Variants in NRXN3 observed in about 807,000 individuals in gnomAD.
The protein encoded by NRXN3 is neurexin III.
Under a neutral mutation model 137.6 loss-of-function variants are expected in NRXN3, and 32 were observed. That is an observed-to-expected ratio of 0.23 (90% CI 0.18 to 0.31). NRXN3 has a LOEUF of 0.31. NRXN3 is among the 10% of genes least tolerant of loss of function. The pLI is 1.00. For synonymous variants in NRXN3, 798 were observed against 784.5 expected (o/e 1.02, Z -0.29); for missense variants, 1,574 against 2,062.5 (o/e 0.76, Z 4.59).
chr14:78,743,246 G>A (rs2098589436), intron 8 of NRXN3, among the ~76,000 whole-genome samples: 1 of 152,108 alleles, frequency 6.6e-6, no homozygotes, highest in Non-Finnish European at 1.5e-5. Flanking sequence ...TTTGTTCATA[G>A]TAGTTATTGC....
At chr14:78,519,678 A>T (rs970657580) in intron 4 of NRXN3, among the ~76,000 whole-genome samples, 2 of 152,158 alleles carry the variant, frequency 1.3e-5, no homozygotes, top group Admixed American at 1.3e-4. Flanking sequence ...TTGCTAAAGG[A>T]GTTAGCAACT....
intron 15 of NRXN3, among the ~76,000 whole-genome samples, chr14:79,014,980 C>T (rs10138563): frequency 0.072 from 10,897 of 152,108 alleles, 1,233 homozygotes; most frequent in African/African-American, 0.24. Context: ...CCCAGCCATC[C>T]CTCTGTCAGC....
In NRXN3 at chr14:78,211,395, G is replaced by A. The variant is rs59583601; in HGVS notation, c.-703-30996G>A. ...AGTGTTCACTTAGTTTTTCTCCACCGTTTCACCCTCCCCACCACTGTGGGT... is the reference window on the plus strand; with the variant it reads ...AGTGTTCACTTAGTTTTTCTCCACCATTTCACCCTCCCCACCACTGTGGGT... On this transcript the variant is annotated intron_variant, in intron 1 of 20. Transcript: ENST00000335750. Among the ~76,000 whole-genome samples, 606 of 152,220 alleles carry A rather than the reference G, an allele frequency of 4.0e-3. 34 individuals carry two copies. The East Asian group carries it at 0.1, about 26-fold the overall frequency.
At chr14:78,778,983 C>T (rs759136769) in intron 8 of NRXN3, among the ~76,000 whole-genome samples, 5 of 151,870 alleles carry the variant, frequency 3.3e-5, no homozygotes, top group South Asian at 2.1e-4. Flanking sequence ...GATGCTCTGT[C>T]GTGGTGAGTC....
chr14:79,590,559 C>T (rs924793848), intron 16 of NRXN3, among the ~76,000 whole-genome samples: 2 of 151,798 alleles, frequency 1.3e-5, no homozygotes, highest in Non-Finnish European at 2.9e-5. Flanking sequence ...ATTAGTCAAA[C>T]ATCTTTAGGC....
At chr14:78,651,757 C>G (rs1401862908) in intron 6 of NRXN3, among the ~76,000 whole-genome samples, 5 of 150,534 alleles carry the variant, frequency 3.3e-5, no homozygotes, top group Non-Finnish European at 5.9e-5. Context: ...GAGACTTATT[C>G]ACTATCATGA....
chr14:78,623,554 A>G (rs554106756), intron 4 of NRXN3, among the ~76,000 whole-genome samples: 2 of 152,212 alleles, frequency 1.3e-5, no homozygotes, highest in African/African-American at 2.4e-5. Context: ...AGCAGATGCC[A>G]TTCATTTATT....
At chr14:79,065,405 A>G (rs1352264385) in intron 15 of NRXN3, among the ~76,000 whole-genome samples, 1 of 152,092 alleles carries the variant, frequency 6.6e-6, no homozygotes, top group African/African-American at 2.4e-5. Flanking sequence ...TTAGGGTGGA[A>G]CTGGTGAGAG....
At chr14:78,242,265 G>C (rs1389305980) in intron 1 of NRXN3, 126 bp from the exon 2 acceptor site, 1 of 152,190 alleles carries the variant, frequency 6.6e-6, no homozygotes, top group East Asian at 1.9e-4. Flanking sequence ...ACTAAGCACT[G>C]TAGCAATCAC....
chr14:79,145,030 G>A, intron 15 of NRXN3, among the ~76,000 whole-genome samples: 1 of 152,186 alleles, frequency 6.6e-6, no homozygotes, highest in Middle Eastern at 3.4e-3. Flanking sequence ...TTAGGTAAAT[G>A]AATTAAGTCT....
intron 15 of NRXN3, among the ~76,000 whole-genome samples, chr14:79,257,277 C>A (rs961063130): frequency 1.8e-4 from 26 of 146,076 alleles, no homozygotes; most frequent in Non-Finnish European, 3.3e-4. Flanking sequence ...TCAGATAGTT[C>A]CTCCAGATGT....
chr14:79,175,262 G>A (rs1244008718), intron 15 of NRXN3, among the ~76,000 whole-genome samples: 2 of 152,256 alleles, frequency 1.3e-5, no homozygotes, highest in Non-Finnish European at 2.9e-5. Flanking sequence ...TTACAGGCAT[G>A]AGCCACCGTG....
At chr14:79,257,363 G>A (rs908342132) in intron 15 of NRXN3, among the ~76,000 whole-genome samples, 9 of 115,876 alleles carry the variant, frequency 7.8e-5, no homozygotes, top group Admixed American at 1.8e-4. Context: ...TGGTGGTGGT[G>A]GTGGTGGTGG....
intron 16 of NRXN3, among the ~76,000 whole-genome samples, chr14:79,659,873 G>T (rs1329550940): frequency 2.6e-5 from 4 of 152,160 alleles, no homozygotes. Context: ...AAAAATCAGA[G>T]TGTTTTATAT....
chr14:78,238,766 C>T (rs2066683714), intron 1 of NRXN3, among the ~76,000 whole-genome samples: 1 of 152,134 alleles, frequency 6.6e-6, no homozygotes, highest in Admixed American at 6.5e-5. Flanking sequence ...TTTTTGATCC[C>T]CCACAATGCA....
At chr14:78,514,585 A>T (rs1278025114) in intron 4 of NRXN3, among the ~76,000 whole-genome samples, 2 of 152,194 alleles carry the variant, frequency 1.3e-5, no homozygotes, top group East Asian at 3.8e-4. Flanking sequence ...ATTTATTAAG[A>T]ACATACTATA....
At chr14:79,448,701 G>A (rs1020664093) in intron 15 of NRXN3, among the ~76,000 whole-genome samples, 1 of 152,156 alleles carries the variant, frequency 6.6e-6, no homozygotes, top group African/African-American at 2.4e-5. Flanking sequence ...AGAGCAACCT[G>A]TGTCTGTGTG....
chr14:78,514,171 T>A (rs1214348871), intron 4 of NRXN3, among the ~76,000 whole-genome samples: 1 of 152,154 alleles, frequency 6.6e-6, no homozygotes, highest in East Asian at 1.9e-4. Flanking sequence ...TCAGGTTCTC[T>A]CTAGTAAACA....
intron 1 of NRXN3, among the ~76,000 whole-genome samples, chr14:78,199,237 C>T (rs56109051): frequency 1.6e-3 from 241 of 152,244 alleles, no homozygotes; most frequent in Non-Finnish European, 2.5e-3. Context: ...AGAAAGTGGG[C>T]ACCCAGGATG....
Sources: allele counts gnomAD v4.1 joint callset (sites outside exome capture counted in the v4.1 genomes callset), GRCh38; gene constraint gnomAD v4.1.1; transcripts MANE v1.5; gene names NCBI Gene and HGNC (gene_info 2026-07-23, HGNC 2026-07-21).